The following ERO1B variants were observed in gnomAD, a reference collection of about 807,000 sequenced individuals.
ERO1B encodes the protein endoplasmic reticulum oxidoreductase 1 beta, also known as ERO1-like protein beta.
A neutral mutation model predicts 75.3 loss-of-function variants in ERO1B; 49 were observed. That is an observed-to-expected ratio of 0.65 (90% CI 0.52 to 0.83). ERO1B has a LOEUF of 0.83. Ranked by LOEUF, ERO1B falls within the 40% of genes least tolerant of loss-of-function variation. The pLI is 0.00. For missense variants in ERO1B, 512 were observed against 560.1 expected (o/e 0.91, Z 0.87); for synonymous variants, 191 against 192.9 (o/e 0.99, Z 0.08).
intron 7 of ERO1B, 99 bp from the exon 8 acceptor site, chr1:236,235,934 T>G: frequency 1.9e-6 from 2 of 1,034,034 alleles, no homozygotes; most frequent in Non-Finnish European, 2.8e-6. Flanking sequence ...CCCACCCTCT[T>G]TTTTTTTTGA....
Position 236,265,045 on chromosome 1 carries a change from CTCT to C in ERO1B, c.222+4827_222+4829del, listed in dbSNP as rs893545192. ...ATTTTATGGCTCTAGTTATTTTTTTCTCTTTTTTTTTTTTTTAAATCAGAGCCA... is the reference window on the plus strand; with the variant it reads ...ATTTTATGGCTCTAGTTATTTTTTTCTTTTTTTTTTTTTAAATCAGAGCCA... On this transcript the variant is annotated intron_variant, in intron 2 of 15. Transcript: ENST00000354619. 1.9e-4 allele frequency among the ~76,000 whole-genome samples: 14 copies of C among 72,038 alleles called. No homozygotes were observed. In the East Asian group the frequency reaches 9.7e-3, roughly 50 times the overall value. 47.3% of individuals were successfully genotyped at this position (72,038 alleles called of 152,430 possible).
chr1:236,250,775 A>G (rs1036495533), intron 4 of ERO1B, among the ~76,000 whole-genome samples: 4 of 151,642 alleles, frequency 2.6e-5, no homozygotes, highest in African/African-American at 9.7e-5. Context: ...AAATGCTTAA[A>G]CCTTTGAACC....
intron 4 of ERO1B, among the ~76,000 whole-genome samples, chr1:236,251,138 CTGAG>C (rs1487627357): frequency 6.6e-6 from 1 of 151,126 alleles, no homozygotes; most frequent in African/African-American, 2.4e-5. Context: ...AAGTGTAAGA[CTGAG>C]TAAAAGCACA....
chr1:236,252,131 CT>C, intron 3 of ERO1B, 40 bp from the exon 4 acceptor site: 1 of 1,367,046 alleles, frequency 7.3e-7, no homozygotes, highest in Non-Finnish European at 1.0e-6. Flanking sequence ...TTTAAGTGAT[CT>C]TTATTTTTTT....
intron 2 of ERO1B, among the ~76,000 whole-genome samples, chr1:236,259,535 A>G (rs1426148083): frequency 6.6e-6 from 1 of 152,194 alleles, no homozygotes; most frequent in African/African-American, 2.4e-5. Context: ...ACAGACTGAA[A>G]AGATAGAAAA....
intron 2 of ERO1B, among the ~76,000 whole-genome samples, chr1:236,261,956 AAAAC>A (rs972736997): frequency 9.9e-5 from 15 of 152,062 alleles, no homozygotes; most frequent in South Asian, 2.1e-4. Context: ...AACAAAAACA[AAAAC>A]AAACAAACAA....
chr1:236,227,465 C>T (rs545745621), intron 10 of ERO1B, among the ~76,000 whole-genome samples: 11 of 152,254 alleles, frequency 7.2e-5, no homozygotes, highest in African/African-American at 2.4e-4. Context: ...AGGAGTAATA[C>T]ACATTGTGAA....
chr1:236,281,741 C>G lies in ERO1B; in HGVS notation c.43G>C (p.Ala15Pro), dbSNP rs1665836296. 6.6e-7 allele frequency: 1 copy of G among 1,517,566 alleles called. No individual in the cohort carries two copies. Among genetic ancestry groups the G allele is most frequent in the Non-Finnish European group, 8.8e-7 (1 of 1,136,178 alleles). 94.0% of individuals were successfully genotyped at this position (1,517,566 alleles called of 1,614,324 possible). ...VRRAGAGQGV[A>P]AAVQLLVTLS... Reference sequence around the variant, plus strand: ...GTGACCAGCAGCTGCACCGCGGCCGCTACCCCCTGCCCAGCGCCTGCCCGG... The same window carrying G: ...GTGACCAGCAGCTGCACCGCGGCCGGTACCCCCTGCCCAGCGCCTGCCCGG... Residue 15 changes from alanine to proline, a missense_variant, in exon 1 of 16, where the codon GCG becomes CCG. Coordinates refer to ENST00000354619, the MANE Select transcript of ERO1B (RefSeq NM_019891.4).
At chr1:236,275,432 G>A (rs1665690233) in intron 1 of ERO1B, among the ~76,000 whole-genome samples, 2 of 152,198 alleles carry the variant, frequency 1.3e-5, no homozygotes, top group Admixed American at 1.3e-4. Flanking sequence ...ATAACCAAAT[G>A]GAAGAGATGC....
rs542194474 is a variant in ERO1B, at chr1:236,217,848, A to G, written c.*668T>C. 6 of 152,262 alleles carry G rather than the reference A, an allele frequency of 3.9e-5. No individual in the cohort carries two copies. The South Asian group carries it at 1.2e-3, about 32-fold the overall frequency. 9.4% of individuals were successfully genotyped at this position (152,262 alleles called of 1,614,324 possible). On this transcript the variant is annotated 3_prime_UTR_variant, in exon 16 of 16. Transcript: ENST00000354619. ...TAGGGGAGAGGTCTTGTTCACCTTT[A>G]CCAAAGGAGGTCCTTTAGACTGGAA...
intron 1 of ERO1B, among the ~76,000 whole-genome samples, chr1:236,276,744 A>G (rs1665717806): frequency 6.6e-6 from 1 of 152,254 alleles, no homozygotes; most frequent in South Asian, 2.1e-4. Context: ...GAGGGAACAG[A>G]AAAAATAGGC....
rs1044234681 is a variant in ERO1B, at chr1:236,218,250, A to G, written c.*266T>C. The G allele has an allele frequency of 5.2e-6, 1 of 192,028 alleles. No individual in the cohort carries two copies. Among genetic ancestry groups the G allele is most frequent in the Non-Finnish European group, 1.0e-5 (1 of 97,054 alleles). The allele number at this position is 192,028 out of a possible 1,614,324, so 11.9% of individuals were successfully genotyped here. A position where few individuals can be genotyped will look rare whatever the true frequency, so the allele number is the denominator to read the frequency against. On this transcript the variant is annotated 3_prime_UTR_variant, in exon 16 of 16. Transcript: ENST00000354619. The stretch of plus-strand genomic sequence containing the variant: ...AAAAACAAAACCAATTCTAAAAAAA[A>G]TAGAATTTTCATTACATGAAAACAT...
intron 6 of ERO1B, among the ~76,000 whole-genome samples, chr1:236,239,837 GTATATATATA>G (rs1259563965): frequency 1.3e-4 from 3 of 22,858 alleles, no homozygotes; most frequent in African/African-American, 2.2e-4. Flanking sequence ...ATATATATGT[GTATATATATA>G]TGTGTATATA....
chr1:236,227,970 T>C (rs1046797029), intron 10 of ERO1B, among the ~76,000 whole-genome samples: 5 of 152,170 alleles, frequency 3.3e-5, no homozygotes, highest in African/African-American at 1.2e-4. Flanking sequence ...ACAAACAATA[T>C]GAATATATTT....
intron 8 of ERO1B, among the ~76,000 whole-genome samples, chr1:236,233,807 G>A (rs1664475417): frequency 6.6e-6 from 1 of 152,070 alleles, no homozygotes; most frequent in Non-Finnish European, 1.5e-5. Context: ...GCAGAGACAG[G>A]CCTTAGTAAG....
At chr1:236,262,566 A>T (rs904163082) in intron 2 of ERO1B, among the ~76,000 whole-genome samples, 3 of 150,000 alleles carry the variant, frequency 2.0e-5, no homozygotes, top group Non-Finnish European at 4.5e-5. Flanking sequence ...CTACTGCCTA[A>T]TTTTTTTTTT....
At chr1:236,226,770 C>A in intron 10 of ERO1B, 31 bp from the exon 11 acceptor site, 1 of 1,527,846 alleles carries the variant, frequency 6.5e-7, no homozygotes, top group East Asian at 2.3e-5. Flanking sequence ...AAAGAAATTA[C>A]ACCTATTTAG....
At chr1:236,268,633 T>C (rs1038712367) in intron 2 of ERO1B, among the ~76,000 whole-genome samples, 3 of 152,244 alleles carry the variant, frequency 2.0e-5, no homozygotes, top group East Asian at 1.9e-4. Flanking sequence ...ACGCCTGTAA[T>C]CCCAGCACTT....
At chr1:236,261,147 T>G (rs545985112) in intron 2 of ERO1B, among the ~76,000 whole-genome samples, 1 of 152,158 alleles carries the variant, frequency 6.6e-6, no homozygotes, top group Non-Finnish European at 1.5e-5. Context: ...AAATAAGGTA[T>G]GGAAAAAATG....
Sources: allele counts gnomAD v4.1 joint callset (sites outside exome capture counted in the v4.1 genomes callset), GRCh38; gene constraint gnomAD v4.1.1; transcripts MANE v1.5; gene names NCBI Gene and HGNC (gene_info 2026-07-23, HGNC 2026-07-21).